TRIM24: variants seen among roughly 807,000 people sequenced by gnomAD.
TRIM24 encodes the protein transcription intermediary factor 1-alpha.
A neutral mutation model predicts 123.9 loss-of-function variants in TRIM24; 29 were observed. That is an observed-to-expected ratio of 0.23 (90% CI 0.17 to 0.32). TRIM24 has a LOEUF of 0.32. Ranked by LOEUF, TRIM24 falls within the 10% of genes least tolerant of loss-of-function variation. TRIM24 has a pLI of 1.00. For missense variants in TRIM24, 932 were observed against 1,295.3 expected, an observed-to-expected ratio of 0.72 and a Z score of 4.31; for synonymous variants, 456 against 461.1, an observed-to-expected ratio of 0.99 and a Z score of 0.14.
chr7:138,460,494 G>A lies in TRIM24; in HGVS notation c.-55G>A. 3.2e-6 allele frequency: 4 copies of A among 1,256,570 alleles called. No individual in the cohort carries two copies. Among genetic ancestry groups the A allele is most frequent in the South Asian group, 3.4e-5 (1 of 29,174 alleles). The allele number at this position is 1,256,570 out of a possible 1,614,324, so 77.8% of individuals were successfully genotyped here. On this transcript the variant is annotated 5_prime_UTR_variant, in exon 1 of 19. Transcript: ENST00000343526. ...CGCAGGAGGAGGAGGAGGTCGTCGG[G>A]GGCGGCGGGCGGAGACCGCGCTCTC...
chr7:138,541,019 A>G (rs1451391382), intron 7 of TRIM24, among the ~76,000 whole-genome samples: 1 of 151,970 alleles, frequency 6.6e-6, no homozygotes, highest in Non-Finnish European at 1.5e-5. Flanking sequence ...TCTATTTTTT[A>G]TAAGAGATGG....
At chr7:138,537,506 A>G (rs1015757516) in intron 6 of TRIM24, among the ~76,000 whole-genome samples, 10 of 150,958 alleles carry the variant, frequency 6.6e-5, no homozygotes, top group African/African-American at 2.4e-4. Flanking sequence ...CTCATAAGAA[A>G]TTGGCTGAAA....
At chr7:138,556,942 C>A (rs1426096224) in intron 9 of TRIM24, among the ~76,000 whole-genome samples, 1 of 152,180 alleles carries the variant, frequency 6.6e-6, no homozygotes, top group Non-Finnish European at 1.5e-5. Context: ...GTGGTACAGG[C>A]AAGGAGGCTT....
chr7:138,553,327 G>T (rs1797250603), intron 8 of TRIM24, among the ~76,000 whole-genome samples: 1 of 152,158 alleles, frequency 6.6e-6, no homozygotes, highest in African/African-American at 2.4e-5. Context: ...ACTGTCTTGA[G>T]TGACTTTAGA....
chr7:138,555,182 C>T (rs775197597), intron 9 of TRIM24, among the ~76,000 whole-genome samples: 15 of 152,016 alleles, frequency 9.9e-5, no homozygotes, highest in Non-Finnish European at 2.1e-4. Flanking sequence ...TTTCATCTAC[C>T]CTTCATTGTC....
intron 1 of TRIM24, among the ~76,000 whole-genome samples, chr7:138,494,184 G>A (rs571090888): frequency 1.3e-5 from 2 of 152,106 alleles, no homozygotes; most frequent in South Asian, 4.1e-4. Flanking sequence ...GTTTCACCAT[G>A]TTGGCCAGTC....
At chr7:138,571,049 G>C (rs758955306) in intron 11 of TRIM24, 46 bp downstream of exon 11, 1 of 1,594,366 alleles carries the variant, frequency 6.3e-7, no homozygotes, top group East Asian at 2.2e-5. Context: ...AAAACTGTTG[G>C]CCGGGTGCAG....
chr7:138,494,387 A>G (rs1206170512), intron 1 of TRIM24, among the ~76,000 whole-genome samples: 7 of 151,860 alleles, frequency 4.6e-5, no homozygotes, highest in Non-Finnish European at 1.0e-4. Flanking sequence ...CCAAAGTGTT[A>G]GGATTACAGG....
At chr7:138,460,945 G>GGGAGAGGGCCA in intron 1 of TRIM24, 33 bp downstream of exon 1, 1 of 1,399,586 alleles carries the variant, frequency 7.1e-7, no homozygotes, top group Non-Finnish European at 9.2e-7. Context: ...GGGGAGCCCG[G>GGGAGAGGGCCA]GGAGAGGGCC....
At chr7:138,576,244 C>G (rs755634603) in intron 12 of TRIM24, 129 bp from the exon 13 acceptor site, 1 of 877,926 alleles carries the variant, frequency 1.1e-6, no homozygotes, top group Non-Finnish European at 1.8e-6. Flanking sequence ...AATTCAGCAA[C>G]TACTTACTGT....
chr7:138,585,011 G>A lies in TRIM24; in HGVS notation c.*60G>A. On this transcript the variant is annotated 3_prime_UTR_variant, in exon 19 of 19. Transcript: ENST00000343526. ...TTTTTTTGTTTTCAAAAAAACATTT[G>A]TCAGTAATTTAACATCACTACAAAA... 6 of 1,436,812 alleles carry A rather than the reference G, an allele frequency of 4.2e-6. No individual in the cohort carries two copies. Among genetic ancestry groups the A allele is most frequent in the Non-Finnish European group, 5.7e-6 (6 of 1,054,684 alleles). 89.0% of individuals were successfully genotyped at this position (1,436,812 alleles called of 1,614,324 possible).
At chr7:138,500,654 C>CCTT in intron 1 of TRIM24, among the ~76,000 whole-genome samples, 1 of 151,448 alleles carries the variant, frequency 6.6e-6, no homozygotes. Flanking sequence ...CAGGAGGATC[C>CCTT]CTTGAGCCCA....
At chr7:138,523,487 G>A (rs1796544257) in intron 4 of TRIM24, among the ~76,000 whole-genome samples, 2 of 152,294 alleles carry the variant, frequency 1.3e-5, no homozygotes, top group African/African-American at 4.8e-5. Flanking sequence ...CGGGCGAGGT[G>A]GCTCACGCCT....
intron 8 of TRIM24, among the ~76,000 whole-genome samples, chr7:138,551,940 A>T (rs1011947861): frequency 4.6e-5 from 7 of 152,322 alleles, no homozygotes; most frequent in Non-Finnish European, 5.9e-5. Context: ...AGTAAAACAT[A>T]CATACTGACA....
intron 1 of TRIM24, among the ~76,000 whole-genome samples, chr7:138,462,897 C>A (rs1252748090): frequency 6.6e-6 from 1 of 150,418 alleles, no homozygotes; most frequent in East Asian, 2.0e-4. Context: ...GAGACGGAGT[C>A]TCGCTCTTCT....
At chr7:138,574,112 A>T (rs779873498) in intron 12 of TRIM24, among the ~76,000 whole-genome samples, 79 of 152,178 alleles carry the variant, frequency 5.2e-4, no homozygotes, top group Non-Finnish European at 8.7e-4. Flanking sequence ...TCTCACCATT[A>T]TAGTACTTCC....
chr7:138,584,072 C>A, intron 18 of TRIM24, 73 bp downstream of exon 18: 1 of 1,491,716 alleles, frequency 6.7e-7, no homozygotes. Context: ...AACACCTTGT[C>A]AACATAGGAG....
chr7:138,576,292 G>C, intron 12 of TRIM24, 81 bp from the exon 13 acceptor site: 1 of 1,282,858 alleles, frequency 7.8e-7, no homozygotes, highest in Non-Finnish European at 1.1e-6. Flanking sequence ...TTTCAATGTA[G>C]TGCTAAGTGA....
chr7:138,574,906 G>T (rs936932538), intron 12 of TRIM24, among the ~76,000 whole-genome samples: 1 of 152,070 alleles, frequency 6.6e-6, no homozygotes, highest in Non-Finnish European at 1.5e-5. Context: ...AAATAATTAG[G>T]AACTGGATAG....
Sources: gnomAD v4.1 joint callset for allele counts (sites outside exome capture counted in the v4.1 genomes callset) on GRCh38, gnomAD v4.1.1 for gene constraint, MANE v1.5 for transcripts, NCBI Gene and HGNC (gene_info 2026-07-23, HGNC 2026-07-21) for gene names.